TTC1: variants seen among roughly 807,000 people sequenced by gnomAD.
The protein encoded by TTC1 is tetratricopeptide repeat domain 1.
TTC1 carries 31 observed loss-of-function variants against 37.6 expected under a neutral mutation model. The observed-to-expected ratio is 0.82, with a 90% CI of 0.62 to 1.11. The LOEUF (loss-of-function observed/expected upper bound fraction) is 1.11. Among genes scored for constraint, TTC1 ranks in the 50% most tolerant of loss-of-function variants. The probability of loss-of-function intolerance (pLI) is 0.00; values close to 1 mark genes in which losing one functional copy is unlikely to be tolerated. For synonymous variants in TTC1, 127 were observed against 122.4 expected (o/e 1.04, Z -0.25); for missense variants, 351 against 339.0 (o/e 1.04, Z -0.28).
At chr5:160,041,648 G>A (rs1757095667) in intron 4 of TTC1, among the ~76,000 whole-genome samples, 1 of 151,996 alleles carries the variant, frequency 6.6e-6, no homozygotes, top group South Asian at 2.1e-4. Flanking sequence ...AGTGCAGTAG[G>A]TTTGTTTACC....
At chr5:160,020,981 C>T (rs905778354) in intron 2 of TTC1, among the ~76,000 whole-genome samples, 1 of 152,210 alleles carries the variant, frequency 6.6e-6, no homozygotes, top group East Asian at 1.9e-4. Context: ...AGGGTAGGGA[C>T]CGCTGCTCTA....
rs925719396 is a variant in TTC1, at chr5:160,064,861, C to A, written c.746-71C>A. 42 of 1,497,818 alleles carry A rather than the reference C, an allele frequency of 2.8e-5. No individual in the cohort carries two copies. In the African/African-American group the frequency reaches 5.8e-4, roughly 21 times the overall value. 92.8% of individuals were successfully genotyped at this position (1,497,818 alleles called of 1,614,324 possible). On this transcript the variant is annotated intron_variant, in intron 7 of 7. Transcript: ENST00000231238. ...TTATATTTTGTACTCAGTGGTAAGG[C>A]AAGATTAATTGGTACCTTCCTGCTT...
At chr5:160,017,667 G>C (rs1249811199) in intron 2 of TTC1, among the ~76,000 whole-genome samples, 1 of 152,272 alleles carries the variant, frequency 6.6e-6, no homozygotes, top group South Asian at 2.1e-4. Flanking sequence ...CAGTTTCTTA[G>C]GTCTCATGTG....
intron 2 of TTC1, among the ~76,000 whole-genome samples, chr5:160,018,359 T>C (rs146206664): frequency 1.8e-3 from 281 of 152,320 alleles, no homozygotes; most frequent in Non-Finnish European, 3.2e-3. Flanking sequence ...AGGACTGCTT[T>C]AGATTGGCTG....
intron 6 of TTC1, among the ~76,000 whole-genome samples, chr5:160,050,273 C>T (rs367757126): frequency 2.6e-5 from 4 of 152,056 alleles, no homozygotes; most frequent in South Asian, 2.1e-4. Flanking sequence ...CATGGAGAAA[C>T]CCTGTCTCTA....
chr5:160,027,872 AT>A (rs1756833688), intron 2 of TTC1, among the ~76,000 whole-genome samples: 1 of 151,892 alleles, frequency 6.6e-6, no homozygotes, highest in African/African-American at 2.4e-5. Context: ...TGGCTTTCAC[AT>A]TTTCTCTTTG....
rs1757008114 is a variant in TTC1, at chr5:160,036,896, C to T, written c.504+93C>T. ...TCTCCAGAAACTAGCATAGAGGTTG[C>T]TGCCTCCCTTTTCCTGCCCATATAT... On this transcript the variant is annotated intron_variant, in intron 4 of 7. Coordinates refer to ENST00000231238, the MANE Select transcript of TTC1 (RefSeq NM_003314.3). 3.5e-6 allele frequency: 3 copies of T among 847,168 alleles called. No individual in the cohort carries two copies. The South Asian group carries it at 4.7e-5, about 13-fold the overall frequency. The allele number at this position is 847,168 out of a possible 1,614,324, so 52.5% of individuals were successfully genotyped here.
rs145949375 is a variant in TTC1 at position 160,056,941 on chromosome 5, C to T, written c.745+5758C>T. 3.3e-4 allele frequency among the ~76,000 whole-genome samples: 50 copies of T among 152,284 alleles called. No homozygotes were observed. In the East Asian group the frequency reaches 9.1e-3, roughly 28 times the overall value. On this transcript the variant is annotated intron_variant, in intron 7 of 7. Coordinates refer to ENST00000231238, the MANE Select transcript of TTC1 (RefSeq NM_003314.3). Reference sequence around the variant, plus strand: ...TGACTTGTTACCACCCCTCTTAAAGCTGCTGAAGCCATACATGTAGGTACA... The same window carrying T: ...TGACTTGTTACCACCCCTCTTAAAGTTGCTGAAGCCATACATGTAGGTACA...
In TTC1 at chr5:160,049,578, G is replaced by A. The variant is rs570764437; in HGVS notation, c.606G>A (p.Thr202=). The stretch of plus-strand genomic sequence containing the variant: ...GGAGAGCAGAGTTGTATGAGAAGAC[G>A]GACAAGCTAGATGAAGCCCTGGAAG... ...ILRRAELYEK[T]DKLDEALEDY... is the part of the protein sequence containing the mutation. Residue 202 remains threonine, a synonymous_variant, in exon 6 of 8, where the codon ACG becomes ACA. Transcript: ENST00000231238. 1.2e-5 allele frequency: 20 copies of A among 1,610,736 alleles called. No individual in the cohort carries two copies. Among genetic ancestry groups the A allele is most frequent in the South Asian group, 5.5e-5 (5 of 90,536 alleles).
At chr5:160,051,242 T>C (rs1757396932) in intron 7 of TTC1, 59 bp downstream of exon 7, 3 of 1,354,562 alleles carry the variant, frequency 2.2e-6, no homozygotes, top group African/African-American at 1.5e-5. Flanking sequence ...GGTGGGGACA[T>C]AGCGAATACT....
rs1170810749 is a variant in TTC1 at position 160,051,163 on chromosome 5, G to A, written c.725G>A (p.Arg242Lys). ...LPKQIEERNE[R>K]LKEEMLGKLK... ...AAGCAAATTGAAGAACGTAATGAAA[G>A]ACTAAAAGAAGAGATGTTAGGTAAG... The change falls in exon 7 of 8, where the codon AGA becomes AAA. Residue 242 changes from arginine to lysine, a missense_variant. By Grantham distance (26) the Arg-to-Lys change is conservative (BLOSUM62 2). Coordinates refer to ENST00000231238, the MANE Select transcript of TTC1 (RefSeq NM_003314.3). 1.2e-6 allele frequency: 2 copies of A among 1,606,928 alleles called. No individual in the cohort carries two copies. Among genetic ancestry groups the A allele is most frequent in the Non-Finnish European group, 1.7e-6 (2 of 1,176,636 alleles).
chr5:160,032,365 T>A (rs545913669), intron 2 of TTC1, among the ~76,000 whole-genome samples: 1 of 152,320 alleles, frequency 6.6e-6, no homozygotes, highest in African/African-American at 2.4e-5. Flanking sequence ...TCTAAAGAAT[T>A]TGTTTCTTAA....
chr5:160,028,779 A>G (rs971409786), intron 2 of TTC1, among the ~76,000 whole-genome samples: 5 of 152,082 alleles, frequency 3.3e-5, no homozygotes, highest in African/African-American at 1.2e-4. Flanking sequence ...TGGCCTGCCC[A>G]GTTTTGTGGT....
chr5:160,029,739 A>G (rs1347612240), intron 2 of TTC1, among the ~76,000 whole-genome samples: 1 of 152,234 alleles, frequency 6.6e-6, no homozygotes, highest in African/African-American at 2.4e-5. Flanking sequence ...TAGGCAAAGT[A>G]CAGAATACTA....
At chr5:160,034,051 G>A (rs1756962252) in intron 2 of TTC1, among the ~76,000 whole-genome samples, 1 of 151,820 alleles carries the variant, frequency 6.6e-6, no homozygotes, top group Non-Finnish European at 1.5e-5. Context: ...AAGAGTTCAA[G>A]GTTATAGTGT....
chr5:160,065,296 T>G lies in TTC1; in HGVS notation c.*231T>G, dbSNP rs1005952184. On this transcript the variant is annotated 3_prime_UTR_variant, in exon 8 of 8. Transcript: ENST00000231238. ...TTTAAGGTGGTGTCTGTGCAGCTGG[T>G]GTCCCCGATTCTGGCTGTCCTATGT... 8.8e-6 allele frequency: 6 copies of G among 682,278 alleles called. No homozygotes were observed. The highest frequency in any genetic ancestry group is 2.4e-4 in the Middle Eastern group (1 of 4,154). 42.3% of individuals were successfully genotyped at this position (682,278 alleles called of 1,614,324 possible).
intron 2 of TTC1, among the ~76,000 whole-genome samples, chr5:160,030,372 G>A (rs1334800375): frequency 6.6e-6 from 1 of 152,186 alleles, no homozygotes; most frequent in African/African-American, 2.4e-5. Context: ...CATAGCTTGA[G>A]TAGGTTGGAA....
intron 2 of TTC1, among the ~76,000 whole-genome samples, chr5:160,031,555 A>C (rs1184772391): frequency 6.6e-6 from 1 of 152,158 alleles, no homozygotes; most frequent in Non-Finnish European, 1.5e-5. Flanking sequence ...CAGAGGTTGC[A>C]GTGAGCCAAG....
chr5:160,061,176 T>C (rs759060061), intron 7 of TTC1, among the ~76,000 whole-genome samples: 7 of 152,246 alleles, frequency 4.6e-5, no homozygotes, highest in Non-Finnish European at 1.0e-4. Flanking sequence ...CTCTGTGCAT[T>C]GGCTCACGCT....
Sources: allele counts gnomAD v4.1 joint callset (sites outside exome capture counted in the v4.1 genomes callset), GRCh38; gene constraint gnomAD v4.1.1; transcripts MANE v1.5; gene names NCBI Gene and HGNC (gene_info 2026-07-23, HGNC 2026-07-21).